Variants in MIGA1 observed in about 807,000 individuals in gnomAD.
MIGA1 encodes the protein mitoguardin 1.
MIGA1 carries 58 observed loss-of-function variants against 82.0 expected under a neutral mutation model. That is an observed-to-expected ratio of 0.71 (90% CI 0.57 to 0.88). The LOEUF is 0.88. Ranked by LOEUF, MIGA1 falls within the 40% of genes least tolerant of loss-of-function variation. The probability of loss-of-function intolerance (pLI) is 0.00; values close to 1 mark genes in which losing one functional copy is unlikely to be tolerated. For missense variants in MIGA1, 751 were observed against 749.1 expected (o/e 1.00, Z -0.03); for synonymous variants, 249 against 253.6 (o/e 0.98, Z 0.17).
chr1:77,850,171 A>G (rs531817548), intron 8 of MIGA1, among the ~76,000 whole-genome samples: 6 of 152,300 alleles, frequency 3.9e-5, no homozygotes, highest in African/African-American at 1.2e-4. Flanking sequence ...AGACTTTTCT[A>G]TAGGACTATT....
intron 6 of MIGA1, among the ~76,000 whole-genome samples, chr1:77,814,310 T>A (rs1317800808): frequency 1.4e-4 from 21 of 152,270 alleles, no homozygotes; most frequent in South Asian, 8.3e-4. Flanking sequence ...ATCCAGGTAG[T>A]TGTTAAATGC....
rs1045150247 is a variant in MIGA1, at chr1:77,876,158, T to G, written c.*1094T>G. 1 of 150,872 alleles carries G rather than the reference T, an allele frequency of 6.6e-6. No individual in the cohort carries two copies. The highest frequency in any genetic ancestry group is 1.5e-5 in the Non-Finnish European group (1 of 67,740). The allele number at this position is 150,872 out of a possible 1,614,324, so 9.3% of individuals were successfully genotyped here. ...AAAAAATAAATTAATTAAATTAAAT[T>G]AATTAGTTGGGTGTGGTGGCATGTG... On this transcript the variant is annotated 3_prime_UTR_variant, in exon 16 of 16. Transcript: ENST00000370791.
Position 77,844,113 on chromosome 1 carries a change from A to AATAT in MIGA1, c.996+728_996+731dup, listed in dbSNP as rs869208869. ...AAGACCCTGTCTTAAAAAAAAAAAA[A>AATAT]ATATATATATATATATATATATATA... On this transcript the variant is annotated intron_variant, in intron 8 of 15. Coordinates refer to ENST00000370791, the MANE Select transcript of MIGA1 (RefSeq NM_198549.4). Among the ~76,000 whole-genome samples, 56 of 90,098 alleles carry AATAT rather than the reference A, an allele frequency of 6.2e-4. 1 individual carries two copies. The highest frequency in any genetic ancestry group is 1.2e-3 in the African/African-American group (26 of 21,922). The allele number at this position is 90,098 out of a possible 152,430, so 59.1% of individuals were successfully genotyped here. A position where few individuals can be genotyped will look rare whatever the true frequency, so the allele number is the denominator to read the frequency against.
intron 8 of MIGA1, among the ~76,000 whole-genome samples, chr1:77,852,065 A>G (rs1570997331): frequency 6.6e-6 from 1 of 151,868 alleles, no homozygotes; most frequent in East Asian, 1.9e-4. Context: ...TTGTATTTTT[A>G]GTAGAGATGG....
chr1:77,874,743 C>T (rs1394702226), intron 15 of MIGA1, 103 bp from the exon 16 acceptor site: 1 of 750,780 alleles, frequency 1.3e-6, no homozygotes, highest in Non-Finnish European at 2.2e-6. Flanking sequence ...CACTGGAAGT[C>T]AGGTCTTCTG....
chr1:77,844,117 TATATATATATATATATATATAGATAG>T (rs1684738758), intron 8 of MIGA1, among the ~76,000 whole-genome samples: 1 of 54,958 alleles, frequency 1.8e-5, no homozygotes, highest in African/African-American at 5.0e-5. Flanking sequence ...AAAAAAAATA[TATATATATATATATATATATAGATAG>T]ATAGATAGAT....
At chr1:77,852,173 C>T (rs148611123) in intron 8 of MIGA1, among the ~76,000 whole-genome samples, 8 of 152,222 alleles carry the variant, frequency 5.3e-5, no homozygotes, top group African/African-American at 1.9e-4. Flanking sequence ...GTGTGAGCCA[C>T]CGCACCTGGC....
chr1:77,784,726 T>A (rs1015566248), intron 2 of MIGA1, among the ~76,000 whole-genome samples: 6 of 152,152 alleles, frequency 3.9e-5, no homozygotes, highest in African/African-American at 1.4e-4. Context: ...ATGCTGCTGA[T>A]AAAGATATAC....
At chr1:77,790,649 G>A (rs1167065787) in intron 2 of MIGA1, among the ~76,000 whole-genome samples, 6 of 148,962 alleles carry the variant, frequency 4.0e-5, no homozygotes, top group East Asian at 4.0e-4. Flanking sequence ...GCAATGGTGC[G>A]ATCTTGGCTC....
Position 77,878,950 on chromosome 1 carries a change from C to T in MIGA1, c.*3886C>T. Reference sequence around the variant, plus strand: ...TTATAAAAATATTTACAAATGTTTTCTTGCCTTAAAATGTAACATTTTCTA... The same window carrying T: ...TTATAAAAATATTTACAAATGTTTTTTTGCCTTAAAATGTAACATTTTCTA... On this transcript the variant is annotated 3_prime_UTR_variant, in exon 16 of 16. Transcript: ENST00000370791. The T allele has an allele frequency of 3.1e-6, 1 of 318,166 alleles. No individual in the cohort carries two copies. Among genetic ancestry groups the T allele is most frequent in the Non-Finnish European group, 5.7e-6 (1 of 174,672 alleles). The allele number at this position is 318,166 out of a possible 1,614,324, so 19.7% of individuals were successfully genotyped here. A position where few individuals can be genotyped will look rare whatever the true frequency, so the allele number is the denominator to read the frequency against.
At chr1:77,858,858 G>C (rs908844774) in intron 8 of MIGA1, 80 bp from the exon 9 acceptor site, 3 of 769,706 alleles carry the variant, frequency 3.9e-6, no homozygotes, top group Non-Finnish European at 6.6e-6. Flanking sequence ...GGGTTCAAAT[G>C]ATCCTCCCAA....
At chr1:77,848,505 T>TTC (rs1266926903) in intron 8 of MIGA1, 1 of 1,163,598 alleles carries the variant, frequency 8.6e-7, no homozygotes, top group East Asian at 2.3e-5. Context: ...GCAGCCCAAG[T>TTC]TCTAGGGCAA....
chr1:77,874,954 G>A lies in MIGA1; in HGVS notation c.1789G>A (p.Glu597Lys). 6.2e-7 allele frequency: 1 copy of A among 1,614,140 alleles called. No homozygotes were observed. The stretch of plus-strand genomic sequence containing the variant: ...CATGCAGTTACTCATTCGCCGCACT[G>A]AGCTTTTAATGGCCTATCTTGAAGC... Residue 597 changes from glutamate (E) to lysine (K), a missense_variant, in exon 16 of 16, where the codon GAG (glutamate) becomes AAG (lysine). Glu to Lys is a moderately conservative substitution (Grantham distance 56). Coordinates refer to ENST00000370791, the MANE Select transcript of MIGA1 (RefSeq NM_198549.4).
intron 8 of MIGA1, chr1:77,853,803 C>T (rs1188319778): frequency 7.7e-6 from 2 of 259,126 alleles, no homozygotes; most frequent in Admixed American, 3.9e-5. Flanking sequence ...GGATCAGGCT[C>T]TAAAGGAAAG....
intron 2 of MIGA1, among the ~76,000 whole-genome samples, chr1:77,786,416 C>G (rs1238580902): frequency 6.6e-6 from 1 of 152,216 alleles, no homozygotes; most frequent in African/African-American, 2.4e-5. Flanking sequence ...GCTTGAACTT[C>G]TCAGAAAATG....
intron 8 of MIGA1, among the ~76,000 whole-genome samples, chr1:77,857,726 G>GTTTTT (rs766194564): frequency 2.1e-3 from 236 of 110,942 alleles, no homozygotes; most frequent in Non-Finnish European, 2.5e-3. Context: ...CTGGGTTGTT[G>GTTTTT]TTTTTTTTTT....
rs1044931439 is a variant in MIGA1, at chr1:77,811,922, G to A, written c.638-1812G>A. 5.6e-6 allele frequency: 8 copies of A among 1,419,218 alleles called. No homozygotes were observed. The East Asian group carries it at 7.7e-5, about 14-fold the overall frequency. 87.9% of individuals were successfully genotyped at this position (1,419,218 alleles called of 1,614,324 possible). A position where few individuals can be genotyped will look rare whatever the true frequency, so the allele number is the denominator to read the frequency against. On this transcript the variant is annotated intron_variant, in intron 5 of 15. Coordinates refer to ENST00000370791, the MANE Select transcript of MIGA1 (RefSeq NM_198549.4). ...CACCACCGCCACCTGCCGAGGAGCC[G>A]CCCAAGCCCATTTTGCATAAATGTT...
intron 7 of MIGA1, among the ~76,000 whole-genome samples, chr1:77,823,793 A>T (rs1683927579): frequency 6.6e-6 from 1 of 152,166 alleles, no homozygotes; most frequent in African/African-American, 2.4e-5. Flanking sequence ...CAAAATTTTT[A>T]AAAAGTTCTT....
At position 77,803,283 on chromosome 1, in the gene MIGA1, C is replaced by T; in HGVS notation, c.387C>T (p.Ser129=). The change falls in exon 4 of 16, where the codon TCC becomes TCT. Residue 129 remains serine (S), a synonymous_variant. Transcript: ENST00000370791. ...TTTATTTGATAGGTTCAAGTTGTTC[C>T]AGTAGCAGACAGAATTTGACATTAT... 1 of 1,522,348 alleles carries T rather than the reference C, an allele frequency of 6.6e-7. No homozygotes were observed. The highest frequency in any genetic ancestry group is 1.3e-5 in the South Asian group (1 of 74,590). The allele number at this position is 1,522,348 out of a possible 1,614,324, so 94.3% of individuals were successfully genotyped here.
Sources: gnomAD v4.1 joint callset for allele counts (sites outside exome capture counted in the v4.1 genomes callset) on GRCh38, gnomAD v4.1.1 for gene constraint, MANE v1.5 for transcripts, NCBI Gene and HGNC (gene_info 2026-07-23, HGNC 2026-07-21) for gene names.